The following UNC5C variants were observed in gnomAD, a reference collection of about 807,000 sequenced individuals.
UNC5C encodes the protein unc-5 netrin receptor C, also known as netrin receptor UNC5C.
In UNC5C, 47 loss-of-function variants were observed where a neutral mutation model predicts 99.8. That is an observed-to-expected ratio of 0.47 (90% CI 0.37 to 0.60). The LOEUF (loss-of-function observed/expected upper bound fraction) is 0.60, where lower values mean the gene tolerates loss of function less well. UNC5C is among the 20% of genes least tolerant of loss of function. UNC5C has a pLI of 0.00. For missense variants in UNC5C, 1,062 were observed against 1,165.9 expected, an observed-to-expected ratio of 0.91 and a Z score of 1.30; for synonymous variants, 487 against 452.2, an observed-to-expected ratio of 1.08 and a Z score of -0.98.
chr4:95,319,807 A>G (rs1742612797), intron 2 of UNC5C, among the ~76,000 whole-genome samples: 1 of 152,204 alleles, frequency 6.6e-6, no homozygotes, highest in Non-Finnish European at 1.5e-5. Context: ...TGCCAAAAAA[A>G]TGATAGGGTG....
intron 2 of UNC5C, among the ~76,000 whole-genome samples, chr4:95,314,111 G>T (rs114070483): frequency 1.3e-5 from 2 of 152,082 alleles, no homozygotes; most frequent in Non-Finnish European, 2.9e-5. Flanking sequence ...TATCATTTGA[G>T]GTACTATAAA....
chr4:95,537,422 C>A (rs1028060170), intron 1 of UNC5C, among the ~76,000 whole-genome samples: 2 of 152,126 alleles, frequency 1.3e-5, no homozygotes, highest in Admixed American at 6.6e-5. Context: ...GTAAGCACGA[C>A]AGCCACTGAT....
chr4:95,305,726 T>A (rs776498337), intron 2 of UNC5C, among the ~76,000 whole-genome samples: 1 of 152,222 alleles, frequency 6.6e-6, no homozygotes, highest in Non-Finnish European at 1.5e-5. Context: ...TGTTGTAGTT[T>A]GGGAGCCAGA....
chr4:95,212,620 C>T (rs531677891), intron 10 of UNC5C, among the ~76,000 whole-genome samples: 3 of 152,242 alleles, frequency 2.0e-5, no homozygotes, highest in East Asian at 3.9e-4. Context: ...TGCATTTTCT[C>T]GGCTGGAGGT....
chr4:95,428,424 T>G (rs1746543800), intron 1 of UNC5C, among the ~76,000 whole-genome samples: 1 of 152,196 alleles, frequency 6.6e-6, no homozygotes, highest in Non-Finnish European at 1.5e-5. Flanking sequence ...TGATACACAT[T>G]TTGCCTTCAA....
intron 1 of UNC5C, among the ~76,000 whole-genome samples, chr4:95,543,582 T>C (rs1023316284): frequency 1.3e-5 from 2 of 152,234 alleles, no homozygotes; most frequent in Admixed American, 1.3e-4. Context: ...CTTTAGAGTA[T>C]ATACTTGTGT....
intron 1 of UNC5C, among the ~76,000 whole-genome samples, chr4:95,476,660 G>A (rs1485933015): frequency 6.6e-6 from 1 of 151,984 alleles, no homozygotes; most frequent in Non-Finnish European, 1.5e-5. Flanking sequence ...AAAAAACAAT[G>A]CTGCTTTGAA....
intron 1 of UNC5C, among the ~76,000 whole-genome samples, chr4:95,344,628 C>A (rs187541947): frequency 6.6e-6 from 1 of 151,952 alleles, no homozygotes; most frequent in Non-Finnish European, 1.5e-5. Context: ...AAAATAATAA[C>A]AATAACTTTT....
chr4:95,225,184 G>A (rs553050885), intron 7 of UNC5C, among the ~76,000 whole-genome samples: 192 of 152,256 alleles, frequency 1.3e-3, no homozygotes, highest in African/African-American at 4.3e-3. Flanking sequence ...AGCCTCCCGA[G>A]TGGCTGGGAT....
At position 95,162,839 on chromosome 4, in the gene UNC5C, A is replaced by G. The variant is rs1735727626; in HGVS notation, c.*6395T>C. 6.6e-6 allele frequency: 1 copy of G among 152,206 alleles called. No homozygotes were observed. Among genetic ancestry groups the G allele is most frequent in the Non-Finnish European group, 1.5e-5 (1 of 68,038 alleles). The allele number at this position is 152,206 out of a possible 1,614,324, so 9.4% of individuals were successfully genotyped here. ...AAGCCAAGGTTGTCATGTTTTGTTT[A>G]AAAAAGAAAAACGACAAAGCACAAA... is the stretch of plus-strand genomic sequence containing the variant. On this transcript the variant is annotated 3_prime_UTR_variant, in exon 16 of 16. Coordinates refer to ENST00000453304, the MANE Select transcript of UNC5C (RefSeq NM_003728.4).
At chr4:95,268,051 G>A (rs1167017800) in intron 4 of UNC5C, among the ~76,000 whole-genome samples, 3 of 149,480 alleles carry the variant, frequency 2.0e-5, no homozygotes, top group Admixed American at 6.7e-5. Context: ...CCAGGTTCAC[G>A]CCATTCTTCT....
At chr4:95,257,543 G>C (rs991601318) in intron 4 of UNC5C, among the ~76,000 whole-genome samples, 3 of 152,224 alleles carry the variant, frequency 2.0e-5, no homozygotes, top group Admixed American at 6.5e-5. Context: ...GGTGCAAGGG[G>C]CACTCATCTT....
chr4:95,195,419 G>C (rs1472973492), intron 12 of UNC5C, among the ~76,000 whole-genome samples: 1 of 152,142 alleles, frequency 6.6e-6, no homozygotes, highest in Non-Finnish European at 1.5e-5. Context: ...GAATATATTA[G>C]TTTAACTCCA....
chr4:95,266,707 T>G lies in UNC5C; in HGVS notation c.594+11552A>C, dbSNP rs1384703868. Among the ~76,000 whole-genome samples, 4 of 152,320 alleles carry G rather than the reference T, an allele frequency of 2.6e-5. No homozygotes were observed. The East Asian group carries it at 7.7e-4, about 29-fold the overall frequency. On this transcript the variant is annotated intron_variant, in intron 4 of 15. Coordinates refer to ENST00000453304, the MANE Select transcript of UNC5C (RefSeq NM_003728.4). The stretch of plus-strand genomic sequence containing the variant: ...TCAGGCTTCCATAATTTCTTTTGAG[T>G]AGCAACTCCAGCATTCAGCAACCCT...
At chr4:95,335,040 A>G (rs879776547) in intron 2 of UNC5C, among the ~76,000 whole-genome samples, 1 of 152,034 alleles carries the variant, frequency 6.6e-6, no homozygotes, top group Non-Finnish European at 1.5e-5. Context: ...AATTTATCCA[A>G]GTTAAAAATG....
chr4:95,467,440 G>A (rs1171343827), intron 1 of UNC5C, among the ~76,000 whole-genome samples: 1 of 152,146 alleles, frequency 6.6e-6, no homozygotes, highest in African/African-American at 2.4e-5. Flanking sequence ...GCTGGGAGAA[G>A]CAGGCACAAC....
chr4:95,414,386 A>G (rs1746099528), intron 1 of UNC5C, among the ~76,000 whole-genome samples: 2 of 152,332 alleles, frequency 1.3e-5, no homozygotes, highest in African/African-American at 2.4e-5. Flanking sequence ...GTGGCTTGCC[A>G]GTGTCCCCAG....
At chr4:95,208,670 T>C (rs9307156) in intron 10 of UNC5C, among the ~76,000 whole-genome samples, 3,846 of 152,278 alleles carry the variant, frequency 0.025, 188 homozygotes, top group African/African-American at 0.087. Context: ...TTGGAACCTC[T>C]TTCCAGTCTG....
intron 1 of UNC5C, among the ~76,000 whole-genome samples, chr4:95,473,118 C>T (rs1004690449): frequency 6.6e-5 from 10 of 152,120 alleles, no homozygotes; most frequent in Admixed American, 5.9e-4. Flanking sequence ...TCATGATACA[C>T]TCACCCAAGG....
Sources: allele counts gnomAD v4.1 joint callset (sites outside exome capture counted in the v4.1 genomes callset), GRCh38; gene constraint gnomAD v4.1.1; transcripts MANE v1.5; gene names NCBI Gene and HGNC (gene_info 2026-07-23, HGNC 2026-07-21).